SLC25A42: variants seen among roughly 807,000 people sequenced by gnomAD.
SLC25A42 encodes solute carrier family 25 member 42, also known as mitochondrial coenzyme A transporter SLC25A42.
Under a neutral mutation model 34.7 loss-of-function variants are expected in SLC25A42, and 19 were observed. The ratio of observed to expected loss-of-function variants is 0.55; its 90% CI spans 0.38 to 0.80. The LOEUF (loss-of-function observed/expected upper bound fraction) is 0.80, where lower values mean the gene tolerates loss of function less well. Among genes scored for constraint, SLC25A42 ranks in the 30% least tolerant of loss-of-function variants. The pLI, the probability that SLC25A42 is intolerant of heterozygous loss-of-function variation, is 0.00. For synonymous variants in SLC25A42, 205 were observed against 191.2 expected, an observed-to-expected ratio of 1.07 and a Z score of -0.59; for missense variants, 364 against 441.3, an observed-to-expected ratio of 0.82 and a Z score of 1.57.
rs1303676810 is a variant in SLC25A42 at position 19,102,804 on chromosome 19, C to T, written c.187+918C>T. 5.9e-5 allele frequency among the ~76,000 whole-genome samples: 9 copies of T among 151,984 alleles called. No individual in the cohort carries two copies. The East Asian group carries it at 9.6e-4, about 16-fold the overall frequency. On this transcript the variant is annotated intron_variant, in intron 3 of 7. Coordinates refer to ENST00000318596, the MANE Select transcript of SLC25A42 (RefSeq NM_178526.5). ...TAATAAAATCCACTTCGAATCTGTA[C>T]GAGTTTCCTGGGGCTGCTGTCAGAA...
At chr19:19,071,296 C>A (rs1379434199) in intron 1 of SLC25A42, among the ~76,000 whole-genome samples, 3 of 152,154 alleles carry the variant, frequency 2.0e-5, no homozygotes, top group African/African-American at 7.2e-5. Context: ...TGTAAGCCGC[C>A]ACGCCCAGCT....
intron 1 of SLC25A42, among the ~76,000 whole-genome samples, chr19:19,084,518 G>GA: frequency 6.6e-6 from 1 of 152,172 alleles, no homozygotes; most frequent in Admixed American, 6.5e-5. Flanking sequence ...ATCAATGACT[G>GA]AAAAAATAAA....
chr19:19,104,894 G>A lies in SLC25A42; in HGVS notation c.188-19G>A, dbSNP rs762121045. On this transcript the variant is annotated intron_variant, in intron 3 of 7. Coordinates refer to ENST00000318596, the MANE Select transcript of SLC25A42 (RefSeq NM_178526.5). Reference sequence around the variant, plus strand: ...TGTCCTTTGCATCTCAGTGGCTTTTGTGCTTTTGTTTTTTCCAGTGTCTTC... The same window carrying A: ...TGTCCTTTGCATCTCAGTGGCTTTTATGCTTTTGTTTTTTCCAGTGTCTTC... 6.2e-7 allele frequency: 1 copy of A among 1,614,116 alleles called. No homozygotes were observed. The highest frequency in any genetic ancestry group is 8.5e-7 in the Non-Finnish European group (1 of 1,179,992).
chr19:19,085,577 C>T (rs926655419), intron 1 of SLC25A42, among the ~76,000 whole-genome samples: 3 of 152,146 alleles, frequency 2.0e-5, no homozygotes, highest in Admixed American at 6.5e-5. Flanking sequence ...AATGGGCTTT[C>T]GCCATTTTGC....
chr19:19,076,770 T>C (rs2059657749), intron 1 of SLC25A42, among the ~76,000 whole-genome samples: 1 of 152,182 alleles, frequency 6.6e-6, no homozygotes, highest in African/African-American at 2.4e-5. Context: ...TGGAACCAGA[T>C]CAAGACAGTT....
chr19:19,064,200 G>T (rs1425437813), intron 1 of SLC25A42, 85 bp downstream of exon 1: 3 of 152,460 alleles, frequency 2.0e-5, no homozygotes, highest in Admixed American at 2.0e-4. Flanking sequence ...GCAGGAAGAG[G>T]TTAAAGACCC....
intron 1 of SLC25A42, among the ~76,000 whole-genome samples, chr19:19,082,520 A>T (rs1343305661): frequency 6.6e-6 from 1 of 151,746 alleles, no homozygotes; most frequent in Non-Finnish European, 1.5e-5. Context: ...GTGCCACCAC[A>T]CCCGACTAAT....
chr19:19,077,610 G>A (rs181033289), intron 1 of SLC25A42, among the ~76,000 whole-genome samples: 1 of 152,296 alleles, frequency 6.6e-6, no homozygotes, highest in Non-Finnish European at 1.5e-5. Context: ...GTATGCAGCT[G>A]GGCACAGTGG....
At chr19:19,087,646 A>G (rs535365564) in intron 1 of SLC25A42, among the ~76,000 whole-genome samples, 1 of 152,286 alleles carries the variant, frequency 6.6e-6, no homozygotes, top group African/African-American at 2.4e-5. Flanking sequence ...GGTGTTTTCT[A>G]TTTCCATCAT....
intron 2 of SLC25A42, among the ~76,000 whole-genome samples, chr19:19,098,788 C>T (rs1160615804): frequency 2.0e-5 from 3 of 152,050 alleles, no homozygotes; most frequent in Admixed American, 6.6e-5. Context: ...GGCAGGGTGG[C>T]GCGCAGCTGT....
intron 1 of SLC25A42, among the ~76,000 whole-genome samples, chr19:19,065,719 G>A (rs1484051501): frequency 6.6e-6 from 1 of 152,148 alleles, no homozygotes; most frequent in Non-Finnish European, 1.5e-5. Flanking sequence ...ATATATGTAT[G>A]TATATGTGTG....
intron 3 of SLC25A42, 63 bp from the exon 4 acceptor site, chr19:19,104,850 C>T: frequency 6.3e-7 from 1 of 1,595,404 alleles, no homozygotes; most frequent in Non-Finnish European, 8.6e-7. Flanking sequence ...AGGGGTGGGG[C>T]CACGCAGATG....
chr19:19,110,901 G>A lies in SLC25A42; in HGVS notation c.*25G>A, dbSNP rs762041639. 1.1e-5 allele frequency: 18 copies of A among 1,611,626 alleles called. No homozygotes were observed. In the African/African-American group the frequency reaches 2.1e-4, roughly 19 times the overall value. ...GGGGACCCTGAGCTGCTCTCAGGAC[G>A]GTGGACCGGTGACCCCTTTGTATTC... is the stretch of plus-strand genomic sequence containing the variant. On this transcript the variant is annotated 3_prime_UTR_variant, in exon 8 of 8. Transcript: ENST00000318596.
chr19:19,108,068 G>A (rs750306434), intron 7 of SLC25A42, 23 bp downstream of exon 7: 4 of 1,533,818 alleles, frequency 2.6e-6, no homozygotes, highest in Middle Eastern at 3.5e-4. Context: ...GGGAGCATGA[G>A]GAGGGGACGT....
At chr19:19,091,044 G>A (rs191997097) in intron 1 of SLC25A42, among the ~76,000 whole-genome samples, 7 of 152,324 alleles carry the variant, frequency 4.6e-5, no homozygotes, top group East Asian at 1.9e-4. Flanking sequence ...AGACAAAAGC[G>A]TGACTCTTGG....
intron 1 of SLC25A42, among the ~76,000 whole-genome samples, chr19:19,077,826 G>T (rs1163547495): frequency 6.6e-6 from 1 of 152,228 alleles, no homozygotes; most frequent in African/African-American, 2.4e-5. Context: ...GGTGGAAGTT[G>T]CAGTGAGCTG....
At chr19:19,089,689 G>A (rs1206694720) in intron 1 of SLC25A42, among the ~76,000 whole-genome samples, 2 of 152,004 alleles carry the variant, frequency 1.3e-5, no homozygotes, top group Non-Finnish European at 2.9e-5. Context: ...CCAACATGGT[G>A]AAACCCCGTC....
intron 2 of SLC25A42, among the ~76,000 whole-genome samples, chr19:19,097,098 A>G (rs1371777283): frequency 6.6e-6 from 1 of 152,220 alleles, no homozygotes; most frequent in Non-Finnish European, 1.5e-5. Flanking sequence ...CATAGAAACC[A>G]GAACCCCCAC....
At position 19,081,118 on chromosome 19, in the gene SLC25A42, T is replaced by TA. The variant is rs890953597; in HGVS notation, c.-34-14965dup. Among the ~76,000 whole-genome samples the TA allele has an allele frequency of 6.0e-5, 8 of 132,532 alleles. No homozygotes were observed. The East Asian group carries it at 1.7e-3, about 28-fold the overall frequency. 86.9% of individuals were successfully genotyped at this position (132,532 alleles called of 152,430 possible). A position where few individuals can be genotyped will look rare whatever the true frequency, so the allele number is the denominator to read the frequency against. ...GTGACAGAGTGAGACCCTGAAAAAA[T>TA]AAAAAAAAGAAGAAAGAAAGAATAA... is the stretch of plus-strand genomic sequence containing the variant. On this transcript the variant is annotated intron_variant, in intron 1 of 7. Coordinates refer to ENST00000318596, the MANE Select transcript of SLC25A42 (RefSeq NM_178526.5). This position sits in a 1 kb window ranked among gnomAD's most constrained non-coding sequence, Gnocchi z 4.5.
Sources: gnomAD v4.1 joint callset for allele counts (sites outside exome capture counted in the v4.1 genomes callset) on GRCh38, gnomAD v4.1.1 for gene constraint, Gnocchi (gnomAD v3.1) non-coding constraint, MANE v1.5 for transcripts, NCBI Gene and HGNC (gene_info 2026-07-23, HGNC 2026-07-21) for gene names.